ZNF148: variants seen among roughly 807,000 people sequenced by gnomAD.
ZNF148 encodes the protein zinc finger protein 148.
In ZNF148, 7 loss-of-function variants were observed where a neutral mutation model predicts 67.7. That is an observed-to-expected ratio of 0.10 (90% CI 0.06 to 0.19). The LOEUF is 0.19. Among genes scored for constraint, ZNF148 ranks in the 10% least tolerant of loss-of-function variants. ZNF148 has a pLI of 1.00. For synonymous variants in ZNF148, 333 were observed against 330.7 expected, an observed-to-expected ratio of 1.01 and a Z score of -0.08; for missense variants, 583 against 947.1, an observed-to-expected ratio of 0.62 and a Z score of 5.05.
chr3:125,321,565 T>C (rs1156755040), intron 3 of ZNF148, among the ~76,000 whole-genome samples: 1 of 152,102 alleles, frequency 6.6e-6, no homozygotes, highest in Non-Finnish European at 1.5e-5. Context: ...TGTAAAACAA[T>C]GTAACATCAA....
At chr3:125,277,039 C>A (rs1257538339) in intron 7 of ZNF148, among the ~76,000 whole-genome samples, 1 of 152,110 alleles carries the variant, frequency 6.6e-6, no homozygotes, top group Non-Finnish European at 1.5e-5. Flanking sequence ...TGCTTTTATT[C>A]CATCACAAAA....
rs1396494280 is a variant in ZNF148, at chr3:125,232,523, C to T, written c.2203G>A (p.Ala735Thr). The change falls in exon 9 of 9, where the codon GCT becomes ACT. Residue 735 changes from alanine (A) to threonine (T), a missense_variant. Transcript: ENST00000360647. This position sits in a 1 kb window ranked among gnomAD's most constrained non-coding sequence, Gnocchi z 4.2. The part of the protein sequence containing the change: ...QMSSFEQPFR[A>T]PYHGSRAGIA... The stretch of plus-strand genomic sequence containing the variant: ...CCAGCTCTTGATCCATGATAGGGAG[C>T]ACGGAAGGGCTGTTCAAAGGAGCTC... The T allele has an allele frequency of 1.2e-6, 2 of 1,613,578 alleles. No homozygotes were observed. The highest frequency in any genetic ancestry group is 1.7e-6 in the Non-Finnish European group (2 of 1,179,704).
chr3:125,258,227 C>A (rs186315425), intron 7 of ZNF148, among the ~76,000 whole-genome samples: 3 of 151,786 alleles, frequency 2.0e-5, no homozygotes, highest in Non-Finnish European at 2.9e-5. Context: ...TCGAAACCAT[C>A]CTGGCTAACA....
intron 7 of ZNF148, among the ~76,000 whole-genome samples, chr3:125,240,478 A>G (rs2107526146): frequency 6.6e-6 from 1 of 152,338 alleles, no homozygotes; most frequent in South Asian, 2.1e-4. Flanking sequence ...TTAACAAAAA[A>G]GTCAACCAGG....
chr3:125,306,235 TA>T (rs1307625475), intron 4 of ZNF148, among the ~76,000 whole-genome samples: 1 of 152,158 alleles, frequency 6.6e-6, no homozygotes, highest in African/African-American at 2.4e-5. Flanking sequence ...CCAAACTTTC[TA>T]CTTTAAAAAG....
chr3:125,374,014 A>T (rs1049276428), intron 1 of ZNF148, among the ~76,000 whole-genome samples: 1 of 152,242 alleles, frequency 6.6e-6, no homozygotes, highest in Non-Finnish European at 1.5e-5. Flanking sequence ...TTGCCAGGAT[A>T]GTATTTACCC....
At chr3:125,237,029 T>C (rs1169075473) in intron 7 of ZNF148, among the ~76,000 whole-genome samples, 1 of 151,956 alleles carries the variant, frequency 6.6e-6, no homozygotes, top group East Asian at 1.9e-4. Flanking sequence ...AGTTTGGAAG[T>C]GAAAGAAATG....
chr3:125,344,269 G>A lies in ZNF148; in HGVS notation c.-233-13031C>T, dbSNP rs188072409. 2.8e-3 allele frequency: 1,108 copies of A among 398,070 alleles called. 22 individuals are homozygous for A. Among genetic ancestry groups the A allele is most frequent in the South Asian group, 0.027 (1,026 of 38,370 alleles). The allele number at this position is 398,070 out of a possible 1,614,324, so 24.7% of individuals were successfully genotyped here. ...AGTGCCCATCCCACTACCACCAAAC[G>A]ACACGAAAGAGAATGAAGTGAAGCC... On this transcript the variant is annotated intron_variant, in intron 1 of 8. Coordinates refer to ENST00000360647, the MANE Select transcript of ZNF148 (RefSeq NM_021964.3).
intron 7 of ZNF148, among the ~76,000 whole-genome samples, chr3:125,262,148 T>C (rs933408884): frequency 2.0e-5 from 3 of 152,186 alleles, no homozygotes; most frequent in Non-Finnish European, 4.4e-5. Flanking sequence ...AACCGTCTTG[T>C]CACAAAGACA....
chr3:125,331,837 G>C (rs899971028), intron 1 of ZNF148, among the ~76,000 whole-genome samples: 1 of 152,092 alleles, frequency 6.6e-6, no homozygotes, highest in Non-Finnish European at 1.5e-5. Flanking sequence ...TTCCACATTG[G>C]TACTGCATTG....
intron 4 of ZNF148, among the ~76,000 whole-genome samples, chr3:125,292,201 A>G (rs554318181): frequency 6.6e-6 from 1 of 152,310 alleles, no homozygotes; most frequent in Non-Finnish European, 1.5e-5. Flanking sequence ...GGCCTGTGTG[A>G]ATCACGAACT....
rs73859159 is a variant in ZNF148 at position 125,261,106 on chromosome 3, G to A, written c.667+16620C>T. Among the ~76,000 whole-genome samples, 1,216 of 152,264 alleles carry A rather than the reference G, an allele frequency of 8.0e-3. 22 individuals carry two copies. The highest frequency in any genetic ancestry group is 0.027 in the African/African-American group (1,127 of 41,530). On this transcript the variant is annotated intron_variant, in intron 7 of 8. Transcript: ENST00000360647. ...GACAAGCTTTTAAAAGGGCCACAAA[G>A]TAAATATTTTAGGCTTTCAGGGGCC...
chr3:125,300,429 T>C (rs895643012), intron 4 of ZNF148, among the ~76,000 whole-genome samples: 3 of 152,178 alleles, frequency 2.0e-5, no homozygotes, highest in Non-Finnish European at 2.9e-5. Flanking sequence ...TAATTAAGAA[T>C]TGGGTATAAC....
At chr3:125,354,361 G>A (rs1301013184) in intron 1 of ZNF148, among the ~76,000 whole-genome samples, 1 of 151,998 alleles carries the variant, frequency 6.6e-6, no homozygotes, top group Non-Finnish European at 1.5e-5. Context: ...AAACATAAAA[G>A]AACCCCATTG....
chr3:125,263,321 C>A (rs145097394), intron 7 of ZNF148, among the ~76,000 whole-genome samples: 1 of 152,156 alleles, frequency 6.6e-6, no homozygotes, highest in African/African-American at 2.4e-5. Context: ...GAAGCCAAGA[C>A]GGGTGGGTCA....
intron 4 of ZNF148, among the ~76,000 whole-genome samples, chr3:125,291,377 A>G (rs1416302865): frequency 2.6e-5 from 4 of 152,134 alleles, no homozygotes; most frequent in African/African-American, 7.2e-5. Flanking sequence ...TCAAAATTCT[A>G]TATGATCCAC....
intron 1 of ZNF148, chr3:125,357,070 T>C (rs1942368439): frequency 6.6e-6 from 1 of 152,256 alleles, no homozygotes; most frequent in Admixed American, 6.5e-5. Flanking sequence ...ATCATCAGCC[T>C]TCGGCGGCCC....
chr3:125,364,672 T>C (rs534181598), intron 1 of ZNF148, among the ~76,000 whole-genome samples: 153 of 152,282 alleles, frequency 1.0e-3, no homozygotes, highest in Middle Eastern at 3.4e-3. Context: ...TTGGATGAGA[T>C]ATCAGCTTGG....
chr3:125,344,904 A>G, intron 1 of ZNF148: 1 of 173,796 alleles, frequency 5.8e-6, no homozygotes. Context: ...ATCTCCTCTC[A>G]GCTAGCCTGA....
Sources: allele counts gnomAD v4.1 joint callset (sites outside exome capture counted in the v4.1 genomes callset), GRCh38; gene constraint gnomAD v4.1.1; non-coding constraint Gnocchi (gnomAD v3.1); transcripts MANE v1.5; gene names NCBI Gene and HGNC (gene_info 2026-07-23, HGNC 2026-07-21).